Variants in RGS17 observed in about 807,000 individuals in gnomAD.
The protein encoded by RGS17 is regulator of G-protein signaling 17.
RGS17 carries 12 observed loss-of-function variants against 25.5 expected under a neutral mutation model. That is an observed-to-expected ratio of 0.47 (90% confidence interval 0.30 to 0.76). The LOEUF is 0.76. Among genes scored for constraint, RGS17 ranks in the 30% least tolerant of loss-of-function variants. The pLI, the probability that RGS17 is intolerant of heterozygous loss-of-function variation, is 0.07. For missense variants in RGS17, 196 were observed against 242.2 expected (o/e 0.81, Z 1.27); for synonymous variants, 71 against 76.9 (o/e 0.92, Z 0.40).
At chr6:153,043,707 G>T (rs1266968864) in intron 2 of RGS17, among the ~76,000 whole-genome samples, 193 bp downstream of exon 2, 1 of 151,994 alleles carries the variant, frequency 6.6e-6, no homozygotes, top group Non-Finnish European at 1.5e-5. Context: ...TGTAGATTTT[G>T]GGGAAATATT....
At chr6:153,041,062 G>A (rs1776315825) in intron 2 of RGS17, among the ~76,000 whole-genome samples, 1 of 151,742 alleles carries the variant, frequency 6.6e-6, no homozygotes, top group Non-Finnish European at 1.5e-5. Flanking sequence ...CTACTGGGGA[G>A]GCTGAGGAGG....
chr6:153,039,830 C>A (rs2129109657), intron 2 of RGS17, among the ~76,000 whole-genome samples: 1 of 152,286 alleles, frequency 6.6e-6, no homozygotes, highest in East Asian at 1.9e-4. Context: ...CACATGTGAG[C>A]ATCTGAACAA....
At chr6:153,066,048 A>C (rs903143995) in intron 1 of RGS17, among the ~76,000 whole-genome samples, 16 of 152,156 alleles carry the variant, frequency 1.1e-4, no homozygotes, top group Non-Finnish European at 7.4e-5. Flanking sequence ...AGACTAAGAA[A>C]AAAAGAGAGA....
chr6:153,024,594 G>T (rs1779280357), intron 3 of RGS17, 98 bp from the exon 4 acceptor site: 4 of 883,962 alleles, frequency 4.5e-6, no homozygotes, highest in East Asian at 2.5e-5. Context: ...CTATCAATTT[G>T]CTGCCATCTA....
intron 1 of RGS17, among the ~76,000 whole-genome samples, chr6:153,074,939 A>G (rs12215425): frequency 0.079 from 12,081 of 152,178 alleles, 536 homozygotes; most frequent in African/African-American, 0.1. Context: ...AGGGACCATC[A>G]TCTGCTCCCG....
At chr6:153,126,365 T>C (rs57109396) in intron 1 of RGS17, among the ~76,000 whole-genome samples, 3,267 of 152,286 alleles carry the variant, frequency 0.021, 120 homozygotes, top group African/African-American at 0.073. Context: ...TAAAAAGAAG[T>C]GTAAAGGTTG....
intron 3 of RGS17, among the ~76,000 whole-genome samples, chr6:153,024,834 G>C (rs565536266): frequency 1.3e-5 from 2 of 152,282 alleles, no homozygotes; most frequent in East Asian, 1.9e-4. Context: ...CAAGTTGATA[G>C]AAACTGTCTG....
At chr6:153,090,441 T>C (rs1282901064) in intron 1 of RGS17, among the ~76,000 whole-genome samples, 1 of 134,954 alleles carries the variant, frequency 7.4e-6, no homozygotes, top group Non-Finnish European at 1.6e-5. Context: ...TGAAACCTCA[T>C]CTCTACTGAA....
At chr6:153,071,130 TTGTATATGTACATATG>T (rs987016439) in intron 1 of RGS17, among the ~76,000 whole-genome samples, 50 of 149,830 alleles carry the variant, frequency 3.3e-4, no homozygotes, top group South Asian at 1.0e-3. Context: ...TAAGTACATA[TTGTATATGTACATATG>T]TGTATATGTA....
chr6:153,107,287 C>A (rs1052282343), intron 1 of RGS17, among the ~76,000 whole-genome samples: 1 of 151,944 alleles, frequency 6.6e-6, no homozygotes, highest in African/African-American at 2.4e-5. Flanking sequence ...GAGCCGAGAT[C>A]GCGCCATTGC....
intron 4 of RGS17, among the ~76,000 whole-genome samples, chr6:153,016,721 G>C (rs66963128): frequency 6.6e-6 from 1 of 152,124 alleles, no homozygotes; most frequent in Admixed American, 6.5e-5. Context: ...CAGGTTGTTT[G>C]TCTGAAAAGG....
chr6:153,027,570 A>T (rs1440932450), intron 2 of RGS17, among the ~76,000 whole-genome samples: 1 of 152,172 alleles, frequency 6.6e-6, no homozygotes, highest in African/African-American at 2.4e-5. Context: ...ACTCAAAATA[A>T]GAAGCAATGG....
At chr6:153,122,429 A>C (rs1297423031) in intron 1 of RGS17, among the ~76,000 whole-genome samples, 1 of 152,186 alleles carries the variant, frequency 6.6e-6, no homozygotes, top group Non-Finnish European at 1.5e-5. Context: ...GTGGGTCATT[A>C]GACATTGAAT....
chr6:153,111,822 T>G (rs1445596149), intron 1 of RGS17, among the ~76,000 whole-genome samples: 2 of 152,110 alleles, frequency 1.3e-5, no homozygotes, highest in East Asian at 3.9e-4. Flanking sequence ...GGACCTCCTG[T>G]AAACTCCAGC....
rs944360263 is a variant in RGS17, at chr6:153,107,541, T to TA, written c.-26+23582dup. ...TGTAATGAATGTTTTATGCTGTTTG[T>TA]AAAAAAAAAATTCAAGTACAAAATC... is the stretch of plus-strand genomic sequence containing the variant. On this transcript the variant is annotated intron_variant, in intron 1 of 4. Transcript: ENST00000206262. 2.6e-3 allele frequency among the ~76,000 whole-genome samples: 354 copies of TA among 136,222 alleles called. 2 individuals carry two copies. The highest frequency in any genetic ancestry group is 8.7e-3 in the African/African-American group (329 of 37,750). 89.4% of individuals were successfully genotyped at this position (136,222 alleles called of 152,430 possible).
intron 1 of RGS17, among the ~76,000 whole-genome samples, chr6:153,107,111 T>A (rs542428283): frequency 6.6e-6 from 1 of 151,692 alleles, no homozygotes; most frequent in Non-Finnish European, 1.5e-5. Context: ...AGAGGGTTAA[T>A]CACCTGAGGT....
At chr6:153,019,588 T>C (rs7746277) in intron 4 of RGS17, among the ~76,000 whole-genome samples, 3,006 of 152,160 alleles carry the variant, frequency 0.02, 98 homozygotes, top group African/African-American at 0.067. Flanking sequence ...GTCCTTGATA[T>C]AGTGAGTGAA....
chr6:153,107,515 C>A (rs911583023), intron 1 of RGS17, among the ~76,000 whole-genome samples: 2 of 150,240 alleles, frequency 1.3e-5, no homozygotes, highest in African/African-American at 4.9e-5. Context: ...CAAATAAATT[C>A]TGTAATGAAT....
intron 1 of RGS17, among the ~76,000 whole-genome samples, chr6:153,080,278 C>T (rs938118185): frequency 6.6e-6 from 1 of 152,184 alleles, no homozygotes; most frequent in Non-Finnish European, 1.5e-5. Context: ...CCATGCCCAG[C>T]CTCTGTTTCT....
Sources: allele counts gnomAD v4.1 joint callset (sites outside exome capture counted in the v4.1 genomes callset), GRCh38; gene constraint gnomAD v4.1.1; transcripts MANE v1.5; gene names NCBI Gene and HGNC (gene_info 2026-07-23, HGNC 2026-07-21).